Variants in DLGAP1 observed in about 807,000 individuals in gnomAD.
DLGAP1 encodes the protein disks large-associated protein 1.
A neutral mutation model predicts 90.8 loss-of-function variants in DLGAP1; 11 were observed. The ratio of observed to expected loss-of-function variants is 0.12; its 90% CI spans 0.08 to 0.20. DLGAP1 has a LOEUF of 0.20. DLGAP1 is among the 10% of genes least tolerant of loss of function. DLGAP1 has a pLI of 1.00. For missense variants in DLGAP1, 1,050 were observed against 1,333.8 expected (o/e 0.79, Z 3.31); for synonymous variants, 558 against 540.7 (o/e 1.03, Z -0.44).
chr18:3,606,274 C>T (rs1787846), intron 7 of DLGAP1, among the ~76,000 whole-genome samples: 119,142 of 151,960 alleles, frequency 0.78, 46,972 homozygotes, highest in African/African-American at 0.85. Flanking sequence ...CAGGATGAAA[C>T]TGGGCCCCGC....
chr18:4,398,983 C>T (rs1013776923), intron 1 of DLGAP1, among the ~76,000 whole-genome samples: 10 of 152,160 alleles, frequency 6.6e-5, no homozygotes, highest in African/African-American at 1.9e-4. Context: ...AAGCGCGCAC[C>T]ACTACGCCTG....
chr18:4,120,572 G>A (rs2076136003), intron 2 of DLGAP1, among the ~76,000 whole-genome samples: 1 of 152,162 alleles, frequency 6.6e-6, no homozygotes, highest in Non-Finnish European at 1.5e-5. Context: ...AGCTAGGGAG[G>A]TCTATAGGTT....
chr18:3,675,182 T>C (rs970462038), intron 7 of DLGAP1, among the ~76,000 whole-genome samples: 2 of 152,188 alleles, frequency 1.3e-5, no homozygotes, highest in Non-Finnish European at 2.9e-5. Flanking sequence ...GCGATTATCC[T>C]GCCTCAGCCT....
chr18:4,292,627 A>T (rs1050125297), intron 1 of DLGAP1, among the ~76,000 whole-genome samples: 1 of 152,184 alleles, frequency 6.6e-6, no homozygotes, highest in East Asian at 1.9e-4. Flanking sequence ...GAAATAAATA[A>T]TTTCTACATC....
At position 4,309,239 on chromosome 18, in the gene DLGAP1, G is replaced by A. The variant is rs77638921; in HGVS notation, c.-267+145767C>T. ...TTTGGGGTTCAAGGATAAATTTACA[G>A]TATCATACATGTACTTCAGGCCTTC... On this transcript the variant is annotated intron_variant, in intron 1 of 12. Coordinates refer to ENST00000315677, the MANE Select transcript of DLGAP1 (RefSeq NM_004746.4). Among the ~76,000 whole-genome samples the A allele has an allele frequency of 7.5e-3, 1,137 of 152,280 alleles. 38 individuals are homozygous for A. The East Asian group carries it at 0.086, about 12-fold the overall frequency.
At chr18:4,133,986 T>C (rs1433355992) in intron 2 of DLGAP1, among the ~76,000 whole-genome samples, 2 of 142,074 alleles carry the variant, frequency 1.4e-5, no homozygotes, top group African/African-American at 2.9e-5. Flanking sequence ...ATTGAGATAA[T>C]AGTGGTCCTA....
chr18:3,985,932 C>G (rs2073832380), intron 3 of DLGAP1, among the ~76,000 whole-genome samples: 1 of 152,192 alleles, frequency 6.6e-6, no homozygotes, highest in African/African-American at 2.4e-5. Flanking sequence ...AAAAGAGATA[C>G]AGATCTGCCT....
intron 3 of DLGAP1, among the ~76,000 whole-genome samples, chr18:3,921,988 G>T (rs1476451060): frequency 1.3e-5 from 2 of 151,336 alleles, no homozygotes; most frequent in Admixed American, 1.3e-4. Context: ...CAGGACAGTT[G>T]CCGCCTCAGA....
chr18:3,975,776 T>C (rs1042328490), intron 3 of DLGAP1, among the ~76,000 whole-genome samples: 16 of 152,168 alleles, frequency 1.1e-4, no homozygotes, highest in African/African-American at 3.9e-4. Context: ...TCCTACGACA[T>C]GGATGAACCT....
chr18:3,800,819 G>A (rs906343527), intron 5 of DLGAP1, among the ~76,000 whole-genome samples: 2 of 152,038 alleles, frequency 1.3e-5, no homozygotes, highest in African/African-American at 4.8e-5. Flanking sequence ...GTATCACTAC[G>A]GCAAGCAAGA....
intron 1 of DLGAP1, among the ~76,000 whole-genome samples, chr18:4,345,806 T>C (rs1183616210): frequency 6.6e-6 from 1 of 152,218 alleles, no homozygotes; most frequent in Non-Finnish European, 1.5e-5. Flanking sequence ...AGCTTTCCAA[T>C]TTACAAGAAA....
At chr18:4,312,848 TCA>T (rs2080434468) in intron 1 of DLGAP1, among the ~76,000 whole-genome samples, 1 of 152,202 alleles carries the variant, frequency 6.6e-6, no homozygotes, top group South Asian at 2.1e-4. Flanking sequence ...TAAAATATAA[TCA>T]TAGCCTTAGA....
intron 10 of DLGAP1, among the ~76,000 whole-genome samples, chr18:3,519,830 C>G (rs1362694753): frequency 6.6e-6 from 1 of 152,158 alleles, no homozygotes; most frequent in Non-Finnish European, 1.5e-5. Flanking sequence ...CTGCTGGCAC[C>G]TTGATCTTGG....
chr18:3,962,807 A>G (rs1387951206), intron 3 of DLGAP1, among the ~76,000 whole-genome samples: 3 of 152,148 alleles, frequency 2.0e-5, no homozygotes, highest in African/African-American at 7.2e-5. Flanking sequence ...ATTTTATTGA[A>G]TATTTGAGGA....
chr18:4,337,997 A>G (rs2081110180), intron 1 of DLGAP1, among the ~76,000 whole-genome samples: 1 of 152,190 alleles, frequency 6.6e-6, no homozygotes, highest in Admixed American at 6.5e-5. Flanking sequence ...ACATATTTTA[A>G]AACAGAGTGA....
intron 12 of DLGAP1, among the ~76,000 whole-genome samples, chr18:3,500,621 C>T (rs920871948): frequency 6.6e-6 from 1 of 152,120 alleles, no homozygotes; most frequent in Non-Finnish European, 1.5e-5. Flanking sequence ...GGAGTGCAAA[C>T]TATATTCTCC....
intron 1 of DLGAP1, among the ~76,000 whole-genome samples, chr18:4,369,494 T>G (rs1019737881): frequency 3.9e-5 from 6 of 152,104 alleles, no homozygotes; most frequent in African/African-American, 1.4e-4. Flanking sequence ...TAACTTAATA[T>G]TGTCTGTTTG....
At position 3,984,441 on chromosome 18, in the gene DLGAP1, T is replaced by A. The variant is rs373689614; in HGVS notation, c.-73+20675A>T. On this transcript the variant is annotated intron_variant, in intron 3 of 12. Transcript: ENST00000315677. ...CACTGACTAAGTCTCAGTTGCACAT[T>A]TTTGGCTGCCTTGAGACTGCTTCAC... Among the ~76,000 whole-genome samples the A allele has an allele frequency of 6.6e-5, 10 of 152,268 alleles. 1 individual carries two copies. Among genetic ancestry groups the A allele is most frequent in the South Asian group, 6.2e-4 (3 of 4,812 alleles).
intron 3 of DLGAP1, among the ~76,000 whole-genome samples, chr18:3,996,786 C>T (rs1437519913): frequency 1.3e-5 from 2 of 151,918 alleles, no homozygotes; most frequent in Non-Finnish European, 2.9e-5. Flanking sequence ...TATCTGTTTT[C>T]CATGGTGCAG....
Sources: allele counts gnomAD v4.1 joint callset (sites outside exome capture counted in the v4.1 genomes callset), GRCh38; gene constraint gnomAD v4.1.1; transcripts MANE v1.5; gene names NCBI Gene and HGNC (gene_info 2026-07-23, HGNC 2026-07-21).